Variants in CPXM2 observed in about 807,000 individuals in gnomAD.
The protein encoded by CPXM2 is inactive carboxypeptidase-like protein X2.
A neutral mutation model predicts 86.1 loss-of-function variants in CPXM2; 66 were observed. That is an observed-to-expected ratio of 0.77 (90% CI 0.63 to 0.94). CPXM2 has a LOEUF of 0.94. CPXM2 is among the 40% of genes least tolerant of loss of function. The pLI is 0.00. For synonymous variants in CPXM2, 388 were observed against 400.2 expected (o/e 0.97, Z 0.36); for missense variants, 948 against 1,026.3 (o/e 0.92, Z 1.04).
At chr10:123,862,905 G>A (rs1418385524) in intron 2 of CPXM2, among the ~76,000 whole-genome samples, 182 bp from the exon 3 acceptor site, 1 of 152,142 alleles carries the variant, frequency 6.6e-6, no homozygotes, top group African/African-American at 2.4e-5. Context: ...TTTCTTGTTG[G>A]CATTTGCTTT....
chr10:123,880,692 G>A (rs1429380543), intron 1 of CPXM2, among the ~76,000 whole-genome samples: 2 of 151,900 alleles, frequency 1.3e-5, no homozygotes, highest in Non-Finnish European at 2.9e-5. Context: ...AGCCAGGCAT[G>A]GTGGCGGGCA....
At chr10:123,894,793 C>T (rs909266573), upstream of CPXM2, among the ~76,000 whole-genome samples, 6 of 152,168 alleles carry the variant, frequency 3.9e-5, no homozygotes, top group African/African-American at 1.4e-4. Context: ...TTTAATCTGC[C>T]TCTTCCTCTG....
chr10:123,877,151 T>C (rs997752896), intron 2 of CPXM2, among the ~76,000 whole-genome samples: 10 of 152,210 alleles, frequency 6.6e-5, no homozygotes, highest in Non-Finnish European at 1.3e-4. Context: ...ATAGTGGGAA[T>C]TGCCAAGTAG....
chr10:123,923,485 G>A (rs1945594221), intron 2 of CPXM2, among the ~76,000 whole-genome samples: 1 of 151,214 alleles, frequency 6.6e-6, no homozygotes, highest in Non-Finnish European at 1.5e-5. Context: ...GGAGGCTGAG[G>A]CAGGAGAATG....
At chr10:123,787,513 T>A (rs536877276) in intron 6 of CPXM2, among the ~76,000 whole-genome samples, 2 of 152,168 alleles carry the variant, frequency 1.3e-5, no homozygotes, top group African/African-American at 2.4e-5. Context: ...TTTGTATTTT[T>A]AGTAGAGACG....
chr10:123,823,387 T>G (rs572006693), intron 4 of CPXM2, among the ~76,000 whole-genome samples: 1 of 152,254 alleles, frequency 6.6e-6, no homozygotes, highest in African/African-American at 2.4e-5. Context: ...TATGGATATA[T>G]TAAGAGGAGA....
chr10:123,866,251 G>T (rs539942687), intron 2 of CPXM2, among the ~76,000 whole-genome samples: 48 of 152,038 alleles, frequency 3.2e-4, no homozygotes, highest in African/African-American at 9.4e-4. Flanking sequence ...GCCACTCAGC[G>T]TCCAATCACA....
intron 10 of CPXM2, among the ~76,000 whole-genome samples, chr10:123,766,595 G>C (rs1480933148): frequency 2.0e-5 from 3 of 152,120 alleles, no homozygotes; most frequent in Non-Finnish European, 4.4e-5. Context: ...GTAAACCCAA[G>C]GGGATGTACT....
chr10:123,826,244 A>G (rs1288098325), intron 4 of CPXM2, among the ~76,000 whole-genome samples: 1 of 152,114 alleles, frequency 6.6e-6, no homozygotes, highest in Admixed American at 6.5e-5. Context: ...ACAGGAAGAC[A>G]CCACCTGGCA....
In CPXM2 at chr10:123,746,551, T is replaced by G. The variant is rs1845974253; in HGVS notation, c.*213A>C. On this transcript the variant is annotated 3_prime_UTR_variant, in exon 14 of 14. Coordinates refer to ENST00000241305, the MANE Select transcript of CPXM2 (RefSeq NM_198148.3). ...ACTCCCATCAGCTTTTCTCTGCTGC[T>G]CTGTCCAAGTTATTTGGATAAATGG... 1 of 598,418 alleles carries G rather than the reference T, an allele frequency of 1.7e-6. No individual in the cohort carries two copies. Among genetic ancestry groups the G allele is most frequent in the East Asian group, 2.8e-5 (1 of 35,702 alleles). 37.1% of individuals were successfully genotyped at this position (598,418 alleles called of 1,614,324 possible).
At chr10:123,866,026 T>C (rs1203471017) in intron 2 of CPXM2, among the ~76,000 whole-genome samples, 1 of 152,120 alleles carries the variant, frequency 6.6e-6, no homozygotes, top group Non-Finnish European at 1.5e-5. Flanking sequence ...CTGGTTTCCA[T>C]CACACAATGT....
At chr10:123,788,529 C>T (rs150878107) in intron 6 of CPXM2, among the ~76,000 whole-genome samples, 1 of 152,298 alleles carries the variant, frequency 6.6e-6, no homozygotes, top group Non-Finnish European at 1.5e-5. Context: ...TCAGAGCTAG[C>T]ATGAACCCTT....
At chr10:123,763,030 G>A (rs912525881) in intron 10 of CPXM2, among the ~76,000 whole-genome samples, 1 of 151,730 alleles carries the variant, frequency 6.6e-6, no homozygotes, top group Admixed American at 6.6e-5. Context: ...GTCTGTGCTT[G>A]GTCCCCCTCT....
chr10:123,898,471 AT>A (rs34640884), intron 2 of CPXM2, among the ~76,000 whole-genome samples: 33,673 of 151,900 alleles, frequency 0.22, 3,915 homozygotes, highest in Non-Finnish European at 0.26. Flanking sequence ...TCTCAAAAAA[AT>A]ATATATATCT....
intron 7 of CPXM2, among the ~76,000 whole-genome samples, chr10:123,779,106 C>G (rs898161863): frequency 4.6e-5 from 7 of 152,198 alleles, no homozygotes; most frequent in Non-Finnish European, 1.0e-4. Flanking sequence ...ACAAGCCCTC[C>G]CTTTGAGCCA....
chr10:123,774,207 G>T (rs753740734), intron 7 of CPXM2, among the ~76,000 whole-genome samples: 22 of 152,186 alleles, frequency 1.4e-4, no homozygotes, highest in Non-Finnish European at 2.9e-4. Context: ...TGGCCGGTGG[G>T]CAGGTGCCCG....
chr10:123,839,038 A>G (rs925144221), intron 4 of CPXM2, among the ~76,000 whole-genome samples: 1 of 152,254 alleles, frequency 6.6e-6, no homozygotes, highest in Non-Finnish European at 1.5e-5. Context: ...AGAAGAATCT[A>G]TACCTAAAAA....
At chr10:123,877,358 T>C (rs1945005216) in intron 2 of CPXM2, among the ~76,000 whole-genome samples, 1 of 152,254 alleles carries the variant, frequency 6.6e-6, no homozygotes, top group Non-Finnish European at 1.5e-5. Flanking sequence ...GCTACTGCTG[T>C]ATAACAAGCA....
intron 4 of CPXM2, among the ~76,000 whole-genome samples, chr10:123,823,678 G>A (rs1368102631): frequency 2.0e-5 from 3 of 152,066 alleles, no homozygotes; most frequent in Non-Finnish European, 4.4e-5. Context: ...AAATGAGAAA[G>A]AGAAAAAAAG....
Sources: gnomAD v4.1 joint callset for allele counts (sites outside exome capture counted in the v4.1 genomes callset) on GRCh38, gnomAD v4.1.1 for gene constraint, MANE v1.5 for transcripts, NCBI Gene and HGNC (gene_info 2026-07-23, HGNC 2026-07-21) for gene names.